Variants in CDH12 observed in about 807,000 individuals in gnomAD.
The protein encoded by CDH12 is cadherin 12.
CDH12 carries 41 observed loss-of-function variants against 74.1 expected under a neutral mutation model. The ratio of observed to expected loss-of-function variants is 0.55; its 90% CI spans 0.43 to 0.72. CDH12 has a LOEUF of 0.72. CDH12 is among the 30% of genes least tolerant of loss of function. The pLI, the probability that CDH12 is intolerant of heterozygous loss-of-function variation, is 0.00. For synonymous variants in CDH12, 399 were observed against 355.0 expected, an observed-to-expected ratio of 1.12 and a Z score of -1.39; for missense variants, 945 against 977.2, an observed-to-expected ratio of 0.97 and a Z score of 0.44.
At chr5:21,928,146 G>T (rs1210686778) in intron 6 of CDH12, among the ~76,000 whole-genome samples, 1 of 152,004 alleles carries the variant, frequency 6.6e-6, no homozygotes, top group Non-Finnish European at 1.5e-5. Context: ...ATTTGACTAT[G>T]ACTATGATCA....
At chr5:22,074,295 C>T (rs1289442081) in intron 5 of CDH12, among the ~76,000 whole-genome samples, 1 of 152,078 alleles carries the variant, frequency 6.6e-6, no homozygotes, top group Non-Finnish European at 1.5e-5. Context: ...TTCCTTACAC[C>T]TTATACAAAA....
chr5:22,603,739 T>C (rs1020521750), intron 1 of CDH12, among the ~76,000 whole-genome samples: 1 of 151,894 alleles, frequency 6.6e-6, no homozygotes, highest in African/African-American at 2.4e-5. Context: ...TAAAACCAGA[T>C]TGGGGGAGTT....
At chr5:21,813,252 G>A (rs1257624806) in intron 9 of CDH12, among the ~76,000 whole-genome samples, 8 of 152,134 alleles carry the variant, frequency 5.3e-5, no homozygotes. Flanking sequence ...GCCAAGGCAG[G>A]TGGATCACCT....
intron 4 of CDH12, among the ~76,000 whole-genome samples, chr5:22,088,506 C>T (rs1436484106): frequency 6.6e-6 from 1 of 152,178 alleles, no homozygotes; most frequent in Non-Finnish European, 1.5e-5. Flanking sequence ...ACCACCACTA[C>T]TACCACCAAT....
chr5:22,065,514 C>G (rs4348181), intron 5 of CDH12, among the ~76,000 whole-genome samples: 57,740 of 151,538 alleles, frequency 0.38, 14,112 homozygotes, highest in African/African-American at 0.7. Context: ...TGAAATGTCA[C>G]AACTTTGGTC....
At chr5:22,464,237 AC>A (rs1200950672) in intron 2 of CDH12, among the ~76,000 whole-genome samples, 2 of 152,196 alleles carry the variant, frequency 1.3e-5, no homozygotes, top group Non-Finnish European at 2.9e-5. Context: ...TTCCCCAGCC[AC>A]GCAGAACTGC....
intron 10 of CDH12, among the ~76,000 whole-genome samples, chr5:21,789,666 A>G (rs999278317): frequency 6.6e-6 from 1 of 152,116 alleles, no homozygotes; most frequent in African/African-American, 2.4e-5. Context: ...AACTTGCATG[A>G]TATTTTTCAA....
At chr5:21,985,752 C>T (rs1241491675) in intron 5 of CDH12, among the ~76,000 whole-genome samples, 1 of 152,034 alleles carries the variant, frequency 6.6e-6, no homozygotes, top group Non-Finnish European at 1.5e-5. Context: ...TGCCTAGTTT[C>T]AAGCTAATAC....
intron 4 of CDH12, among the ~76,000 whole-genome samples, chr5:22,101,645 A>T (rs961632919): frequency 6.6e-6 from 1 of 152,212 alleles, no homozygotes; most frequent in African/African-American, 2.4e-5. Flanking sequence ...AAACTCAAAA[A>T]TTAAGGTCTA....
chr5:22,403,639 C>T (rs969601305), intron 3 of CDH12, among the ~76,000 whole-genome samples: 2 of 152,120 alleles, frequency 1.3e-5, no homozygotes, highest in African/African-American at 4.8e-5. Context: ...CAACCTCAAT[C>T]ATAAATGGTA....
At chr5:22,204,235 C>T (rs1180395744) in intron 4 of CDH12, among the ~76,000 whole-genome samples, 2 of 149,362 alleles carry the variant, frequency 1.3e-5, no homozygotes, top group South Asian at 2.1e-4. Flanking sequence ...TGCAGTGGTG[C>T]GATCTCAGCT....
At chr5:22,425,876 C>T (rs1351736503) in intron 2 of CDH12, among the ~76,000 whole-genome samples, 2 of 152,046 alleles carry the variant, frequency 1.3e-5, no homozygotes, top group Admixed American at 1.3e-4. Flanking sequence ...GTTCCTGGAT[C>T]GTCAACACAA....
chr5:22,070,580 G>A (rs1741872660), intron 5 of CDH12, among the ~76,000 whole-genome samples: 1 of 152,156 alleles, frequency 6.6e-6, no homozygotes, highest in South Asian at 2.1e-4. Flanking sequence ...CCAGCAGACT[G>A]CCTTCAGGCT....
intron 12 of CDH12, among the ~76,000 whole-genome samples, 164 bp downstream of exon 12, chr5:21,764,814 T>C (rs898624338): frequency 2.0e-5 from 3 of 152,202 alleles, no homozygotes; most frequent in African/African-American, 4.8e-5. Flanking sequence ...CATTCATCTA[T>C]ATCATTAATT....
At chr5:22,049,767 G>T (rs1740224085) in intron 5 of CDH12, among the ~76,000 whole-genome samples, 1 of 151,872 alleles carries the variant, frequency 6.6e-6, no homozygotes, top group Non-Finnish European at 1.5e-5. Flanking sequence ...TTCTTTTTCG[G>T]TTCACCAACA....
In CDH12 at chr5:22,798,168, A is replaced by G. The variant is rs1011077152; in HGVS notation, c.-523+54890T>C. ...CCTCAGTCTCACTTTATAATGTACT[A>G]TCTAGTTCTGACTTCTTCAGGTAAT... On this transcript the variant is annotated intron_variant, in intron 1 of 14. Coordinates refer to ENST00000382254, the MANE Select transcript of CDH12 (RefSeq NM_004061.5). Among the ~76,000 whole-genome samples, 4 of 152,156 alleles carry G rather than the reference A, an allele frequency of 2.6e-5. No homozygotes were observed. The South Asian group carries it at 8.3e-4, about 32-fold the overall frequency.
At chr5:22,125,280 G>A (rs763289504) in intron 4 of CDH12, among the ~76,000 whole-genome samples, 17 of 151,914 alleles carry the variant, frequency 1.1e-4, no homozygotes, top group African/African-American at 4.1e-4. Context: ...TCCCCGACAG[G>A]CCTCGGTGTA....
chr5:21,761,657 A>G (rs1432819874), intron 12 of CDH12, among the ~76,000 whole-genome samples: 1 of 152,070 alleles, frequency 6.6e-6, no homozygotes, highest in East Asian at 1.9e-4. Flanking sequence ...ATCTATGACT[A>G]TGATCTATGT....
chr5:22,382,138 G>GT (rs1741783696), intron 3 of CDH12, among the ~76,000 whole-genome samples: 1 of 141,480 alleles, frequency 7.1e-6, no homozygotes, highest in Non-Finnish European at 1.5e-5. Context: ...TTATAAACAT[G>GT]TTTATATATT....
Sources: allele counts gnomAD v4.1 joint callset (sites outside exome capture counted in the v4.1 genomes callset), GRCh38; gene constraint gnomAD v4.1.1; transcripts MANE v1.5; gene names NCBI Gene and HGNC (gene_info 2026-07-23, HGNC 2026-07-21).